ZNF462: variants seen among roughly 807,000 people sequenced by gnomAD.
ZNF462 encodes zinc finger protein 462, also known as zinc finger PBX1-interacting protein.
Under a neutral mutation model 201.9 loss-of-function variants are expected in ZNF462, and 10 were observed. The observed-to-expected ratio is 0.05, with a 90% CI of 0.03 to 0.08. The LOEUF (loss-of-function observed/expected upper bound fraction) is 0.08, where lower values mean the gene tolerates loss of function less well. ZNF462 is among the 10% of genes least tolerant of loss of function. The pLI, the probability that ZNF462 is intolerant of heterozygous loss-of-function variation, is 1.00. For synonymous variants in ZNF462, 1,227 were observed against 1,193.3 expected (o/e 1.03, Z -0.58); for missense variants, 2,523 against 3,168.3 (o/e 0.80, Z 4.89).
chr9:106,982,367 C>G (rs759406428), intron 9 of ZNF462, among the ~76,000 whole-genome samples: 1 of 152,162 alleles, frequency 6.6e-6, no homozygotes, highest in African/African-American at 2.4e-5. Flanking sequence ...TGGCCCCCCA[C>G]AACAAGGAAT....
chr9:106,890,180 T>A lies in ZNF462; in HGVS notation c.-31+26825T>A, dbSNP rs575559409. ...AATCTAGTGGTGGCATTTAGCTCTT[T>A]TGGCAATAAAAACTATATGTGAGAA... On this transcript the variant is annotated intron_variant, in intron 1 of 12. Transcript: ENST00000277225. This position sits in a 1 kb window ranked among gnomAD's most constrained non-coding sequence, Gnocchi z 4.2. 6.6e-6 allele frequency among the ~76,000 whole-genome samples: 1 copy of A among 152,226 alleles called. No homozygotes were observed. Among genetic ancestry groups the A allele is most frequent in the Non-Finnish European group, 1.5e-5 (1 of 68,038 alleles).
chr9:106,981,555 A>G lies in ZNF462; in HGVS notation c.6833-2631A>G, dbSNP rs1488124586. The stretch of plus-strand genomic sequence containing the variant: ...GAGAACAAAAAGTTATGTCAAGGGT[A>G]GAACACCTAACGGTGCTTGAACCGT... On this transcript the variant is annotated intron_variant, in intron 9 of 12. Transcript: ENST00000277225. The surrounding 1 kb of genome is among the most constrained non-coding windows in gnomAD (Gnocchi z 4.0). Among the ~76,000 whole-genome samples the G allele has an allele frequency of 6.6e-6, 1 of 152,248 alleles. No homozygotes were observed. Among genetic ancestry groups the G allele is most frequent in the Non-Finnish European group, 1.5e-5 (1 of 68,038 alleles).
In ZNF462 at chr9:106,865,284, TC is replaced by T. The variant is rs1827283570; in HGVS notation, c.-31+1931del. On this transcript the variant is annotated intron_variant, in intron 1 of 12. Coordinates refer to ENST00000277225, the MANE Select transcript of ZNF462 (RefSeq NM_021224.6). This position sits in a 1 kb window ranked among gnomAD's most constrained non-coding sequence, Gnocchi z 4.1. ...GGCAAGGCAAAAACCTTAAAACAGT[TC>T]CACTGAGGTCTTCACACAACTTTAA... Among the ~76,000 whole-genome samples, 2 of 152,148 alleles carry T rather than the reference TC, an allele frequency of 1.3e-5. No homozygotes were observed. Among genetic ancestry groups the T allele is most frequent in the African/African-American group, 4.8e-5 (2 of 41,416 alleles).
In ZNF462 at chr9:106,888,967, C is replaced by A. The variant is rs551412188; in HGVS notation, c.-31+25612C>A. 2.6e-5 allele frequency among the ~76,000 whole-genome samples: 4 copies of A among 152,286 alleles called. No homozygotes were observed. The East Asian group carries it at 5.8e-4, about 22-fold the overall frequency. Reference sequence around the variant, plus strand: ...ACTGGGAACAAACTACTTTTAATTCCTTTTCCTCTTAGTTGTTTCAGCAGA... The same window carrying A: ...ACTGGGAACAAACTACTTTTAATTCATTTTCCTCTTAGTTGTTTCAGCAGA... On this transcript the variant is annotated intron_variant, in intron 1 of 12. Coordinates refer to ENST00000277225, the MANE Select transcript of ZNF462 (RefSeq NM_021224.6).
chr9:106,861,841 T>A (rs563821503), upstream of ZNF462, among the ~76,000 whole-genome samples: 21 of 152,330 alleles, frequency 1.4e-4, no homozygotes, highest in African/African-American at 5.1e-4. Flanking sequence ...AAGCTTCATC[T>A]TGGCTCGCGT....
chr9:106,946,262 A>C (rs1831101450), intron 7 of ZNF462, among the ~76,000 whole-genome samples: 1 of 152,220 alleles, frequency 6.6e-6, no homozygotes, highest in African/African-American at 2.4e-5. Flanking sequence ...ATTTGTGGAA[A>C]GTATCTAAAA....
chr9:106,941,742 A>G (rs1022098555), intron 7 of ZNF462, among the ~76,000 whole-genome samples: 4 of 152,250 alleles, frequency 2.6e-5, no homozygotes, highest in African/African-American at 9.6e-5. Context: ...AAGAGTAGTT[A>G]ATAATTGTTC....
rs1826558502 is a variant in ZNF462, at chr9:106,970,751, G to A, written c.6428-1254G>A. 6.6e-6 allele frequency among the ~76,000 whole-genome samples: 1 copy of A among 152,164 alleles called. No homozygotes were observed. Among genetic ancestry groups the A allele is most frequent in the Non-Finnish European group, 1.5e-5 (1 of 68,038 alleles). On this transcript the variant is annotated intron_variant, in intron 7 of 12. Transcript: ENST00000277225. The surrounding 1 kb of genome is among the most constrained non-coding windows in gnomAD (Gnocchi z 4.2). ...TGAATTTCTAACCTCCACATTGCAAGCAGCATGTTGGGAAAAGGTTCAAGA... is the reference window on the plus strand; with the variant it reads ...TGAATTTCTAACCTCCACATTGCAAACAGCATGTTGGGAAAAGGTTCAAGA...
At chr9:106,861,782 T>TTCAGAATGATACGGGAGAGA (rs1827074143), upstream of ZNF462, among the ~76,000 whole-genome samples, 1 of 152,132 alleles carries the variant, frequency 6.6e-6, no homozygotes, top group African/African-American at 2.4e-5. Flanking sequence ...AAAGAGATAG[T>TTCAGAATGATACGGGAGAGA]TCAGAATGAT....
At chr9:106,889,008 T>C (rs962732197) in intron 1 of ZNF462, among the ~76,000 whole-genome samples, 4 of 152,250 alleles carry the variant, frequency 2.6e-5, no homozygotes, top group African/African-American at 9.6e-5. Flanking sequence ...CCCCTTTCAC[T>C]TTAACAGAAA....
chr9:106,886,695 A>G lies in ZNF462; in HGVS notation c.-31+23340A>G, dbSNP rs562093109. On this transcript the variant is annotated intron_variant, in intron 1 of 12. Transcript: ENST00000277225. The surrounding 1 kb of genome is among the most constrained non-coding windows in gnomAD (Gnocchi z 4.6). The stretch of plus-strand genomic sequence containing the variant: ...TGAAATGATGTGTCCAAAGTCCACA[A>G]TGTAGGAAGTTAGTTAAGGAAGCCT... Among the ~76,000 whole-genome samples the G allele has an allele frequency of 6.6e-6, 1 of 152,272 alleles. No homozygotes were observed. Among genetic ancestry groups the G allele is most frequent in the East Asian group, 1.9e-4 (1 of 5,178 alleles).
rs1453479876 is a variant in ZNF462, at chr9:107,003,739, A to G, written c.7189+313A>G. On this transcript the variant is annotated intron_variant, in intron 11 of 12. Transcript: ENST00000277225. This position sits in a 1 kb window ranked among gnomAD's most constrained non-coding sequence, Gnocchi z 4.4. ...GAATCTTCAGAATAAGGACAAGCAG[A>G]CAGCAAGATGGATGACACTGTAGAG... 6.6e-6 allele frequency among the ~76,000 whole-genome samples: 1 copy of G among 152,190 alleles called. No individual in the cohort carries two copies. The highest frequency in any genetic ancestry group is 3.2e-3 in the Middle Eastern group (1 of 316).
chr9:106,933,500 G>A lies in ZNF462; in HGVS notation c.6116+951G>A, dbSNP rs1446862469. Among the ~76,000 whole-genome samples the A allele has an allele frequency of 6.6e-6, 1 of 152,144 alleles. No homozygotes were observed. The highest frequency in any genetic ancestry group is 1.5e-5 in the Non-Finnish European group (1 of 68,034). On this transcript the variant is annotated intron_variant, in intron 5 of 12. Transcript: ENST00000277225. This position sits in a 1 kb window ranked among gnomAD's most constrained non-coding sequence, Gnocchi z 4.3. ...TTGAACAGCATCTATCACATTGTCT[G>A]ACGCACAGTGGAACTTTAAATAATT...
chr9:106,972,393 T>TG lies in ZNF462; in HGVS notation c.6695+122dup. On this transcript the variant is annotated intron_variant, in intron 8 of 12. Transcript: ENST00000277225. The surrounding 1 kb of genome is among the most constrained non-coding windows in gnomAD (Gnocchi z 4.8). ...ATGGGAGGCCCTGCCCATGTGATGA[T>TG]GTAGGGGTTGGGTCCAGGCTTCATG... 1 of 1,394,524 alleles carries TG rather than the reference T, an allele frequency of 7.2e-7. No homozygotes were observed. The highest frequency in any genetic ancestry group is 9.7e-7 in the Non-Finnish European group (1 of 1,034,666). 86.4% of individuals were successfully genotyped at this position (1,394,524 alleles called of 1,614,324 possible).
intron 1 of ZNF462, among the ~76,000 whole-genome samples, chr9:106,875,124 A>G (rs961379236): frequency 4.6e-5 from 7 of 152,176 alleles, no homozygotes; most frequent in Non-Finnish European, 1.0e-4. Flanking sequence ...CTCAACGGTA[A>G]ATATCTGATG....
chr9:106,893,524 G>A (rs1378672221), intron 1 of ZNF462, among the ~76,000 whole-genome samples: 1 of 152,150 alleles, frequency 6.6e-6, no homozygotes, highest in Admixed American at 6.5e-5. Context: ...AATGCCCATG[G>A]AACTTGTAAA....
chr9:106,863,011 C>A, upstream of ZNF462: 1 of 395,492 alleles, frequency 2.5e-6, no homozygotes, highest in East Asian at 3.6e-5. Context: ...GAGAGAGACA[C>A]AGAGGGAGGG....
intron 10 of ZNF462, among the ~76,000 whole-genome samples, chr9:106,988,702 C>G (rs1588165462): frequency 6.6e-6 from 1 of 152,128 alleles, no homozygotes; most frequent in South Asian, 2.1e-4. Flanking sequence ...TTTGTGTCGT[C>G]TACGATTTCT....
chr9:106,990,890 T>C (rs1828223140), intron 10 of ZNF462, among the ~76,000 whole-genome samples: 1 of 152,056 alleles, frequency 6.6e-6, no homozygotes, highest in Non-Finnish European at 1.5e-5. Context: ...CTATTGAAAC[T>C]GAATTTTTGG....
Sources: allele counts gnomAD v4.1 joint callset (sites outside exome capture counted in the v4.1 genomes callset), GRCh38; gene constraint gnomAD v4.1.1; non-coding constraint Gnocchi (gnomAD v3.1); transcripts MANE v1.5; gene names NCBI Gene and HGNC (gene_info 2026-07-23, HGNC 2026-07-21).